CFAP299: variants seen among roughly 807,000 people sequenced by gnomAD.
The protein encoded by CFAP299 is cilia- and flagella-associated protein 299.
In CFAP299, 21 loss-of-function variants were observed where a neutral mutation model predicts 27.0. The observed-to-expected ratio is 0.78, with a 90% confidence interval of 0.55 to 1.12. The LOEUF (loss-of-function observed/expected upper bound fraction) is 1.12, where lower values mean the gene tolerates loss of function less well. CFAP299 is among the 50% of genes most tolerant of loss of function. The pLI is 0.00. For synonymous variants in CFAP299, 104 were observed against 98.1 expected, an observed-to-expected ratio of 1.06 and a Z score of -0.36; for missense variants, 310 against 276.6, an observed-to-expected ratio of 1.12 and a Z score of -0.86.
chr4:80,735,516 A>T (rs1723803415), intron 3 of CFAP299, among the ~76,000 whole-genome samples: 1 of 152,094 alleles, frequency 6.6e-6, no homozygotes, highest in Non-Finnish European at 1.5e-5. Flanking sequence ...GTCGTGTTCC[A>T]TTTAAAAGTA....
chr4:80,746,291 TA>T lies in CFAP299; in HGVS notation c.334-123701del, dbSNP rs369281789. 6.2e-3 allele frequency among the ~76,000 whole-genome samples: 943 copies of T among 152,140 alleles called. 9 individuals are homozygous for T. The highest frequency in any genetic ancestry group is 7.6e-3 in the Non-Finnish European group (519 of 67,926). On this transcript the variant is annotated intron_variant, in intron 3 of 5. Coordinates refer to ENST00000358105, the MANE Select transcript of CFAP299 (RefSeq NM_152770.3). ...ATGTTCCTGATACCTTTCCTTGACA[TA>T]GTAAGCTATTAATAAGTAGTAGCTT...
chr4:80,910,825 T>C (rs1289388672), intron 4 of CFAP299, among the ~76,000 whole-genome samples: 2 of 152,082 alleles, frequency 1.3e-5, no homozygotes, highest in African/African-American at 4.8e-5. Flanking sequence ...AAAAAAATTA[T>C]TGTCATCACT....
At chr4:80,365,897 C>T (rs1553917123) in intron 2 of CFAP299, among the ~76,000 whole-genome samples, 3 of 152,196 alleles carry the variant, frequency 2.0e-5, no homozygotes, top group Non-Finnish European at 4.4e-5. Context: ...GCAATAGTCT[C>T]TTTAACTGGT....
chr4:80,466,010 T>C (rs571834816), intron 2 of CFAP299, among the ~76,000 whole-genome samples: 1 of 152,166 alleles, frequency 6.6e-6, no homozygotes, highest in Admixed American at 6.5e-5. Context: ...CCATAACTTC[T>C]GGGAAGAAAG....
chr4:80,451,667 T>C (rs1197853603), intron 2 of CFAP299, among the ~76,000 whole-genome samples: 1 of 152,232 alleles, frequency 6.6e-6, no homozygotes, highest in Non-Finnish European at 1.5e-5. Context: ...ACATAATAGA[T>C]TCATTTCCTT....
At chr4:80,957,884 T>G (rs1402042809) in intron 5 of CFAP299, among the ~76,000 whole-genome samples, 1 of 152,188 alleles carries the variant, frequency 6.6e-6, no homozygotes, top group Non-Finnish European at 1.5e-5. Flanking sequence ...CTTATTAGGT[T>G]TGCCTTACTG....
chr4:80,776,907 T>C (rs1726577648), intron 3 of CFAP299, among the ~76,000 whole-genome samples: 1 of 151,068 alleles, frequency 6.6e-6, no homozygotes. Context: ...GACAACACAG[T>C]CTTATTCAAC....
At chr4:80,747,821 A>G (rs1159817703) in intron 3 of CFAP299, among the ~76,000 whole-genome samples, 1 of 151,994 alleles carries the variant, frequency 6.6e-6, no homozygotes, top group Non-Finnish European at 1.5e-5. Flanking sequence ...ACTTCCTCTC[A>G]GGTGCTCTTA....
At chr4:80,699,321 A>C (rs1353892333) in intron 3 of CFAP299, among the ~76,000 whole-genome samples, 1 of 152,128 alleles carries the variant, frequency 6.6e-6, no homozygotes, top group African/African-American at 2.4e-5. Context: ...TCAACATCTC[A>C]CTGGATGCTA....
intron 4 of CFAP299, among the ~76,000 whole-genome samples, chr4:80,908,020 G>A (rs934500212): frequency 5.3e-5 from 8 of 152,112 alleles, no homozygotes; most frequent in African/African-American, 7.2e-5. Context: ...CGAAGGGCTC[G>A]TCCATAACAT....
chr4:80,643,295 G>T, intron 3 of CFAP299, among the ~76,000 whole-genome samples: 1 of 152,228 alleles, frequency 6.6e-6, no homozygotes, highest in East Asian at 1.9e-4. Flanking sequence ...TTTGAGAGAG[G>T]TGTGGTGATA....
chr4:80,491,961 C>CAATA (rs2110139581), intron 2 of CFAP299, among the ~76,000 whole-genome samples: 1 of 152,236 alleles, frequency 6.6e-6, no homozygotes, highest in South Asian at 2.1e-4. Flanking sequence ...CTTTTGTCAC[C>CAATA]TATTGTCTCT....
At chr4:80,710,483 C>CTTTTTTTTT (rs372010060) in intron 3 of CFAP299, among the ~76,000 whole-genome samples, 1 of 95,068 alleles carries the variant, frequency 1.1e-5, no homozygotes, top group African/African-American at 3.7e-5. Flanking sequence ...TTTTCTTTTT[C>CTTTTTTTTT]TTTTTTTTTT....
At chr4:80,950,540 G>T (rs1487141655) in intron 5 of CFAP299, among the ~76,000 whole-genome samples, 4 of 152,154 alleles carry the variant, frequency 2.6e-5, no homozygotes, top group Non-Finnish European at 5.9e-5. Flanking sequence ...TGGGTATGGT[G>T]AGGACATGAG....
intron 3 of CFAP299, among the ~76,000 whole-genome samples, chr4:80,859,102 G>A (rs1002209373): frequency 6.6e-6 from 1 of 152,092 alleles, no homozygotes; most frequent in African/African-American, 2.4e-5. Flanking sequence ...TCCTGTATTG[G>A]GTGCATATAT....
At chr4:80,799,219 A>G (rs1728074471) in intron 3 of CFAP299, among the ~76,000 whole-genome samples, 1 of 118,368 alleles carries the variant, frequency 8.4e-6, no homozygotes, top group African/African-American at 3.3e-5. Context: ...TATATTGTAT[A>G]AATATATTTA....
chr4:80,517,134 G>C (rs1732626907), intron 2 of CFAP299, among the ~76,000 whole-genome samples: 2 of 152,142 alleles, frequency 1.3e-5, no homozygotes, highest in Admixed American at 1.3e-4. Context: ...TCAGTGAAAT[G>C]TCTAGTTTCA....
intron 2 of CFAP299, among the ~76,000 whole-genome samples, chr4:80,373,710 C>A (rs1724265355): frequency 6.6e-6 from 1 of 152,088 alleles, no homozygotes; most frequent in Non-Finnish European, 1.5e-5. Flanking sequence ...TTACAAGTCC[C>A]TGGTGTCTTA....
At chr4:80,423,656 G>A (rs1012829929) in intron 2 of CFAP299, among the ~76,000 whole-genome samples, 1 of 152,184 alleles carries the variant, frequency 6.6e-6, no homozygotes, top group African/African-American at 2.4e-5. Context: ...TCAGCTGGCG[G>A]CTGGGCCAGA....
Sources: gnomAD v4.1 joint callset for allele counts (sites outside exome capture counted in the v4.1 genomes callset) on GRCh38, gnomAD v4.1.1 for gene constraint, MANE v1.5 for transcripts, NCBI Gene and HGNC (gene_info 2026-07-23, HGNC 2026-07-21) for gene names.